The following CLEC16A variants were observed in gnomAD, a reference collection of about 807,000 sequenced individuals.
The protein encoded by CLEC16A is C-type lectin domain containing 16A.
Under a neutral mutation model 109.5 loss-of-function variants are expected in CLEC16A, and 51 were observed. That is an observed-to-expected ratio of 0.47 (90% CI 0.37 to 0.59). CLEC16A has a LOEUF of 0.59. Among genes scored for constraint, CLEC16A ranks in the 20% least tolerant of loss-of-function variants. The pLI is 0.00. For missense variants in CLEC16A, 1,339 were observed against 1,394.0 expected, an observed-to-expected ratio of 0.96 and a Z score of 0.63; for synonymous variants, 673 against 564.2, an observed-to-expected ratio of 1.19 and a Z score of -2.73.
At chr16:11,072,326 C>T (rs1484821292) in intron 19 of CLEC16A, among the ~76,000 whole-genome samples, 1 of 151,824 alleles carries the variant, frequency 6.6e-6, no homozygotes, top group Non-Finnish European at 1.5e-5. Context: ...TCTATGTTGC[C>T]CAGGCTGGTC....
chr16:11,121,736 C>T (rs1004167348), intron 20 of CLEC16A, among the ~76,000 whole-genome samples: 15 of 151,290 alleles, frequency 9.9e-5, no homozygotes, highest in Non-Finnish European at 1.2e-4. Flanking sequence ...AAAAATTAGC[C>T]GGGCATGATA....
At chr16:11,033,939 TG>T (rs2046884620) in intron 13 of CLEC16A, among the ~76,000 whole-genome samples, 1 of 152,102 alleles carries the variant, frequency 6.6e-6, no homozygotes, top group African/African-American at 2.4e-5. Context: ...GGTGGAGGGA[TG>T]GGGGTGAGTT....
At chr16:11,162,765 C>T (rs2054769509) in intron 22 of CLEC16A, among the ~76,000 whole-genome samples, 1 of 152,188 alleles carries the variant, frequency 6.6e-6, no homozygotes, top group Non-Finnish European at 1.5e-5. Flanking sequence ...TTAGCCTTTC[C>T]CCAGTTCTTG....
chr16:10,971,814 T>C (rs1405494049), intron 5 of CLEC16A, among the ~76,000 whole-genome samples: 2 of 152,240 alleles, frequency 1.3e-5, no homozygotes, highest in Non-Finnish European at 2.9e-5. Context: ...TTTCCTGAAC[T>C]GGAATTGCCC....
chr16:11,129,135 C>T (rs1388171665), intron 22 of CLEC16A, among the ~76,000 whole-genome samples: 2 of 152,198 alleles, frequency 1.3e-5, no homozygotes, highest in Middle Eastern at 3.2e-3. Context: ...GCTAGCATTT[C>T]TCAGAGTTTT....
intron 11 of CLEC16A, among the ~76,000 whole-genome samples, chr16:11,004,327 GC>G (rs1445856865): frequency 1.3e-5 from 2 of 152,198 alleles, no homozygotes; most frequent in South Asian, 2.1e-4. Flanking sequence ...GGGGCTGGGG[GC>G]AGCGGGAAGT....
intron 9 of CLEC16A, 109 bp from the exon 10 acceptor site, chr16:10,982,769 C>G (rs2043396606): frequency 1.6e-6 from 1 of 643,038 alleles, no homozygotes. Flanking sequence ...GGAATTGCTG[C>G]TTAATACAGG....
intron 10 of CLEC16A, among the ~76,000 whole-genome samples, chr16:10,989,303 C>T (rs746949592): frequency 4.6e-5 from 7 of 152,164 alleles, no homozygotes; most frequent in Non-Finnish European, 8.8e-5. Context: ...TCACTGCAGC[C>T]TCAGCCTCCC....
At chr16:11,076,304 C>G (rs906675946) in intron 19 of CLEC16A, among the ~76,000 whole-genome samples, 1 of 152,172 alleles carries the variant, frequency 6.6e-6, no homozygotes, top group African/African-American at 2.4e-5. Context: ...TCAGGGTGCC[C>G]CAAAACCCCC....
At chr16:10,999,075 C>A (rs1230264633) in intron 10 of CLEC16A, among the ~76,000 whole-genome samples, 1 of 152,136 alleles carries the variant, frequency 6.6e-6, no homozygotes, top group East Asian at 1.9e-4. Flanking sequence ...GTCCAAATGA[C>A]CCCTGCTGAA....
At chr16:11,047,403 C>T (rs2047693051) in intron 17 of CLEC16A, 61 bp downstream of exon 17, 2 of 1,331,984 alleles carry the variant, frequency 1.5e-6, no homozygotes, top group Non-Finnish European at 2.0e-6. Flanking sequence ...CCAAGCTCCC[C>T]CTGCCCATCC....
intron 16 of CLEC16A, 98 bp from the exon 17 acceptor site, chr16:11,047,194 G>C: frequency 1.1e-6 from 1 of 870,860 alleles, no homozygotes; most frequent in East Asian, 2.9e-5. Flanking sequence ...ATGAGAAACA[G>C]ATGGCCTCTA....
chr16:11,167,066 T>G (rs535715494), intron 23 of CLEC16A, among the ~76,000 whole-genome samples: 1 of 152,254 alleles, frequency 6.6e-6, no homozygotes, highest in African/African-American at 2.4e-5. Flanking sequence ...TTCAACTTAT[T>G]CCACTTCAGA....
intron 22 of CLEC16A, among the ~76,000 whole-genome samples, chr16:11,164,775 A>C (rs1367104762): frequency 6.6e-6 from 1 of 152,244 alleles, no homozygotes; most frequent in East Asian, 1.9e-4. Flanking sequence ...CCAAGCAGGC[A>C]GCAGGTTGCA....
chr16:11,048,001 G>A (rs1294297464), intron 17 of CLEC16A: 1 of 152,250 alleles, frequency 6.6e-6, no homozygotes, highest in Non-Finnish European at 1.5e-5. Flanking sequence ...CCGGCACATG[G>A]TTCTGCCCTT....
chr16:11,000,478 A>G (rs1596982568), intron 10 of CLEC16A, among the ~76,000 whole-genome samples: 1 of 152,184 alleles, frequency 6.6e-6, no homozygotes, highest in East Asian at 1.9e-4. Context: ...GAAATTCACT[A>G]GGAGTTGGCA....
chr16:11,020,364 G>C (rs748778935), intron 12 of CLEC16A, 39 bp downstream of exon 12: 1 of 1,566,782 alleles, frequency 6.4e-7, no homozygotes. Context: ...GCTCTCTCAG[G>C]GAAGAGGAGA....
rs2047939621 is a variant in CLEC16A, at chr16:11,051,522, A to G, written c.1876A>G (p.Met626Val). The change falls in exon 18 of 24, where the codon ATG (methionine) becomes GTG (valine). Residue 626 changes from methionine (M) to valine (V), a missense_variant. Coordinates refer to ENST00000409790, the MANE Select transcript of CLEC16A (RefSeq NM_015226.3). ...DEYRSMTMKPMNVEYLMMDAS... is the reference protein window; with the variant it reads ...DEYRSMTMKPVNVEYLMMDAS... ...GTAATGTCTCTTCTAGATGAAGCCC[A>G]TGAACGTGGAATATCTCATGATGGA... The G allele has an allele frequency of 3.1e-6, 5 of 1,613,654 alleles. No individual in the cohort carries two copies. The highest frequency in any genetic ancestry group is 1.1e-5 in the South Asian group (1 of 91,088).
rs75495055 is a variant in CLEC16A at position 11,110,468 on chromosome 16, T to G, written c.2117-10147T>G. Among the ~76,000 whole-genome samples the G allele has an allele frequency of 2.5e-3, 383 of 152,258 alleles. 13 individuals are homozygous for G. The East Asian group carries it at 0.069, about 28-fold the overall frequency. ...TGTGTATCTTGCATATTCCATGACC[T>G]TACGGGAATTCTGAAAAACAACCGA... On this transcript the variant is annotated intron_variant, in intron 19 of 23. Coordinates refer to ENST00000409790, the MANE Select transcript of CLEC16A (RefSeq NM_015226.3).
Sources: gnomAD v4.1 joint callset for allele counts (sites outside exome capture counted in the v4.1 genomes callset) on GRCh38, gnomAD v4.1.1 for gene constraint, MANE v1.5 for transcripts, NCBI Gene and HGNC (gene_info 2026-07-23, HGNC 2026-07-21) for gene names.